CNIH3: variants seen among roughly 807,000 people sequenced by gnomAD.
CNIH3 encodes the protein protein cornichon homolog 3.
CNIH3 carries 14 observed loss-of-function variants against 24.1 expected under a neutral mutation model. The observed-to-expected ratio is 0.58, with a 90% confidence interval of 0.38 to 0.91. The LOEUF (loss-of-function observed/expected upper bound fraction) is 0.91. CNIH3 is among the 40% of genes least tolerant of loss of function. The probability of loss-of-function intolerance (pLI) is 0.00; values close to 1 mark genes in which losing one functional copy is unlikely to be tolerated. For missense variants in CNIH3, 178 were observed against 196.8 expected, an observed-to-expected ratio of 0.90 and a Z score of 0.57; for synonymous variants, 68 against 73.8, an observed-to-expected ratio of 0.92 and a Z score of 0.40.
Position 224,459,210 on chromosome 1 carries a change from C to G in CNIH3, n.203+24348C>G, listed in dbSNP as rs569430370. 8 of 976,880 alleles carry G rather than the reference C, an allele frequency of 8.2e-6. No homozygotes were observed. The South Asian group carries it at 2.8e-4, about 35-fold the overall frequency. 60.5% of individuals were successfully genotyped at this position (976,880 alleles called of 1,614,324 possible). On this transcript the variant is annotated intron_variant and non_coding_transcript_variant, in intron 1 of 5. Transcript: ENST00000471578. Reference sequence around the variant, plus strand: ...TCTACTGCTTAGATCAAGTCTTCAGCAGACATCATGTGACCTTGAGGATGG... The same window carrying G: ...TCTACTGCTTAGATCAAGTCTTCAGGAGACATCATGTGACCTTGAGGATGG...
intron 2 of CNIH3, among the ~76,000 whole-genome samples, chr1:224,525,920 G>C (rs1678827333): frequency 6.6e-6 from 1 of 152,162 alleles, no homozygotes; most frequent in Admixed American, 6.5e-5. Flanking sequence ...ATACACTGGA[G>C]AATGGAGTTT....
Position 224,616,966 on chromosome 1 carries a change from A to G in CNIH3, c.-209A>G. ...ACACACGTTTTCCTGTCTTCGCCGG[A>G]GGGCCGGGTCTGGGGTCGCCGGAGC... On this transcript the variant is annotated 5_prime_UTR_variant, in exon 1 of 6. Transcript: ENST00000272133. The G allele has an allele frequency of 7.2e-7, 1 of 1,392,188 alleles. No homozygotes were observed. Among genetic ancestry groups the G allele is most frequent in the Non-Finnish European group, 9.3e-7 (1 of 1,078,266 alleles). 86.2% of individuals were successfully genotyped at this position (1,392,188 alleles called of 1,614,324 possible).
intron 1 of CNIH3, among the ~76,000 whole-genome samples, chr1:224,674,475 C>T (rs1431582729): frequency 6.6e-6 from 1 of 152,026 alleles, no homozygotes; most frequent in Non-Finnish European, 1.5e-5. Flanking sequence ...CCCTGCTTCC[C>T]TGCTGGTGTT....
chr1:224,679,491 T>C (rs965293762), intron 1 of CNIH3, among the ~76,000 whole-genome samples: 2 of 152,240 alleles, frequency 1.3e-5, no homozygotes, highest in Non-Finnish European at 2.9e-5. Context: ...GGGAGTCATA[T>C]ATTATAGTTT....
chr1:224,565,055 T>C (rs972060812), intron 3 of CNIH3, among the ~76,000 whole-genome samples: 2 of 152,206 alleles, frequency 1.3e-5, no homozygotes, highest in African/African-American at 4.8e-5. Flanking sequence ...GTTCAGTTGA[T>C]TCCATTTATC....
At chr1:224,583,980 T>C (rs1297045059) in intron 5 of CNIH3, among the ~76,000 whole-genome samples, 1 of 152,228 alleles carries the variant, frequency 6.6e-6, no homozygotes, top group African/African-American at 2.4e-5. Flanking sequence ...TGTCGTATTT[T>C]CCACATTAGC....
At chr1:224,532,858 A>G (rs962455388) in intron 2 of CNIH3, among the ~76,000 whole-genome samples, 11 of 152,212 alleles carry the variant, frequency 7.2e-5, no homozygotes, top group Non-Finnish European at 1.0e-4. Flanking sequence ...AATATTATCT[A>G]AGTTAACCAT....
At chr1:224,737,132 G>C in intron 5 of CNIH3, among the ~76,000 whole-genome samples, 1 of 150,520 alleles carries the variant, frequency 6.6e-6, no homozygotes, top group East Asian at 2.0e-4. Flanking sequence ...CAGTTTTGTT[G>C]CAGTAACTGC....
intron 1 of CNIH3, among the ~76,000 whole-genome samples, chr1:224,629,067 C>T (rs930105756): frequency 4.6e-5 from 7 of 151,588 alleles, no homozygotes; most frequent in Admixed American, 2.0e-4. Flanking sequence ...AGTGCAGTGG[C>T]GTGATCTCGG....
At chr1:224,685,420 C>T (rs1414431014) in intron 3 of CNIH3, among the ~76,000 whole-genome samples, 4 of 152,212 alleles carry the variant, frequency 2.6e-5, no homozygotes, top group Admixed American at 2.6e-4. Context: ...CGCATGTGGG[C>T]ACACACAGTT....
chr1:224,594,852 AAG>A (rs1190747700), intron 3 of CNIH3, among the ~76,000 whole-genome samples: 2 of 152,218 alleles, frequency 1.3e-5, no homozygotes, highest in Non-Finnish European at 2.9e-5. Context: ...TCTATCCAGA[AAG>A]AGTTATAAGA....
At chr1:224,599,583 T>G (rs1157734285) in intron 3 of CNIH3, among the ~76,000 whole-genome samples, 2 of 151,846 alleles carry the variant, frequency 1.3e-5, no homozygotes, top group Non-Finnish European at 2.9e-5. Context: ...ATAATTTATT[T>G]GATCACAATC....
At chr1:224,667,419 G>A (rs1176371858) in intron 1 of CNIH3, among the ~76,000 whole-genome samples, 1 of 152,172 alleles carries the variant, frequency 6.6e-6, no homozygotes, top group African/African-American at 2.4e-5. Context: ...AAAATTGAAA[G>A]GGGATTCACA....
intron 1 of CNIH3, among the ~76,000 whole-genome samples, chr1:224,487,840 C>T (rs1677086984): frequency 6.6e-6 from 1 of 152,170 alleles, no homozygotes; most frequent in Admixed American, 6.5e-5. Flanking sequence ...GATGAATTAC[C>T]TAGGAAAGAG....
At chr1:224,739,216 A>G (rs1423414433) in intron 5 of CNIH3, 113 bp from the exon 6 acceptor site, 3 of 1,508,786 alleles carry the variant, frequency 2.0e-6, no homozygotes, top group Middle Eastern at 2.4e-4. Flanking sequence ...GGGAGAAGCC[A>G]AGGGGTCTGG....
chr1:224,574,080 A>G lies in CNIH3; in HGVS notation n.516+7816A>G, dbSNP rs190927403. On this transcript the variant is annotated intron_variant and non_coding_transcript_variant, in intron 4 of 5. Coordinates refer to the CNIH3 transcript ENST00000471578. ...TTTATATGTTCTAATTAGAAAATAT[A>G]TAGTTTATTTTTGACATTTTAATAG... is the stretch of plus-strand genomic sequence containing the variant. 8.0e-4 allele frequency among the ~76,000 whole-genome samples: 122 copies of G among 152,270 alleles called. No homozygotes were observed. In the Middle Eastern group the frequency reaches 0.01, roughly 13 times the overall value.
At chr1:224,666,842 C>T (rs1178294564) in intron 1 of CNIH3, among the ~76,000 whole-genome samples, 4 of 152,218 alleles carry the variant, frequency 2.6e-5, no homozygotes, top group Admixed American at 2.0e-4. Flanking sequence ...GTAGTCTTCT[C>T]CACTCTTGGG....
intron 1 of CNIH3, among the ~76,000 whole-genome samples, chr1:224,662,911 A>C (rs1307646810): frequency 2.0e-5 from 3 of 152,180 alleles, no homozygotes; most frequent in Non-Finnish European, 4.4e-5. Flanking sequence ...AGCAGTTTCC[A>C]AGGCAGTTTT....
At chr1:224,447,287 G>T (rs1675207235) in intron 1 of CNIH3, among the ~76,000 whole-genome samples, 1 of 152,194 alleles carries the variant, frequency 6.6e-6, no homozygotes, top group Non-Finnish European at 1.5e-5. Flanking sequence ...AACCTAGGGG[G>T]CTGCTGGTGT....
Sources: gnomAD v4.1 joint callset for allele counts (sites outside exome capture counted in the v4.1 genomes callset) on GRCh38, gnomAD v4.1.1 for gene constraint, MANE v1.5 for transcripts, NCBI Gene and HGNC (gene_info 2026-07-23, HGNC 2026-07-21) for gene names.